The following MARK2 variants were observed in gnomAD, a reference collection of about 807,000 sequenced individuals.
The protein encoded by MARK2 is serine/threonine-protein kinase MARK2.
MARK2 carries 16 observed loss-of-function variants against 89.8 expected under a neutral mutation model. The observed-to-expected ratio is 0.18, with a 90% CI of 0.12 to 0.27. MARK2 has a LOEUF of 0.27. MARK2 is among the 10% of genes least tolerant of loss of function. MARK2 has a pLI of 1.00. For synonymous variants in MARK2, 382 were observed against 399.5 expected, an observed-to-expected ratio of 0.96 and a Z score of 0.52; for missense variants, 621 against 1,049.9, an observed-to-expected ratio of 0.59 and a Z score of 5.65.
intron 1 of MARK2, among the ~76,000 whole-genome samples, chr11:63,848,682 C>G (rs1369076463): frequency 6.6e-6 from 1 of 151,724 alleles, no homozygotes; most frequent in African/African-American, 2.4e-5. Context: ...TCCCGAGTAG[C>G]TGGGACTTCA....
intron 1 of MARK2, among the ~76,000 whole-genome samples, chr11:63,861,390 G>C (rs1038070137): frequency 3.9e-5 from 6 of 151,976 alleles, no homozygotes; most frequent in Non-Finnish European, 5.9e-5. Flanking sequence ...AGCTGAGATC[G>C]CACCACTGCA....
In MARK2 at chr11:63,900,386, A is replaced by T. The variant is rs1183643471; in HGVS notation, c.769-173A>T. 1.3e-5 allele frequency among the ~76,000 whole-genome samples: 2 copies of T among 152,180 alleles called. No homozygotes were observed. The highest frequency in any genetic ancestry group is 2.9e-5 in the Non-Finnish European group (2 of 68,042). On this transcript the variant is annotated intron_variant, in intron 8 of 18. Coordinates refer to ENST00000402010, the MANE Select transcript of MARK2 (RefSeq NM_001039469.3). This position sits in a 1 kb window ranked among gnomAD's most constrained non-coding sequence, Gnocchi z 4.7. ...TGGTCAAGTTAGAGGGTACGAGGGT[A>T]TTTGACTTCACTTGCCTCTCTGGTG...
intron 1 of MARK2, among the ~76,000 whole-genome samples, chr11:63,878,722 G>A (rs1239615053): frequency 2.0e-5 from 3 of 152,024 alleles, no homozygotes; most frequent in Non-Finnish European, 4.4e-5. Flanking sequence ...GGGAGCCCCC[G>A]TGTCTGCTGC....
chr11:63,850,964 A>G (rs1435952477), intron 1 of MARK2, among the ~76,000 whole-genome samples: 1 of 151,992 alleles, frequency 6.6e-6, no homozygotes, highest in African/African-American at 2.4e-5. Flanking sequence ...TCCTTTCTTC[A>G]AGTACGGTAT....
chr11:63,884,901 G>A (rs982820891), intron 1 of MARK2, among the ~76,000 whole-genome samples: 1 of 152,200 alleles, frequency 6.6e-6, no homozygotes, highest in Non-Finnish European at 1.5e-5. Flanking sequence ...CCAACTCCCA[G>A]TTACAAGATG....
At position 63,900,645 on chromosome 11, in the gene MARK2, CATTCTT is replaced by C; in HGVS notation, c.857_862del (p.Ile286_Leu287del). 6.2e-7 allele frequency: 1 copy of C among 1,614,130 alleles called. No individual in the cohort carries two copies. The highest frequency in any genetic ancestry group is 8.5e-7 in the Non-Finnish European group (1 of 1,179,986). ...GTGAAAACCTGCTTAAGAAATTTCTCATTCTTAATCCCAGCAAGAGAGGCACTTTAG... is the reference window on the plus strand; with the variant it reads ...GTGAAAACCTGCTTAAGAAATTTCTCAATCCCAGCAAGAGAGGCACTTTAG... On this transcript the variant is annotated inframe_deletion, in exon 9 of 19. Coordinates refer to ENST00000402010, the MANE Select transcript of MARK2 (RefSeq NM_001039469.3). The surrounding 1 kb of genome is among the most constrained non-coding windows in gnomAD (Gnocchi z 4.7).
At position 63,908,949 on chromosome 11, in the gene MARK2, C is replaced by G; in HGVS notation, c.2079C>G (p.Leu693=). ...EEFREAKPRS[L]RFTWSMKTTS... The stretch of plus-strand genomic sequence containing the variant: ...TTCGGGAGGCCAAGCCCCGCTCCCT[C>G]CGCTTCACGTGGAGTATGAAGACCA... The change falls in exon 19 of 19, where the codon CTC becomes CTG. Residue 693 remains leucine, a synonymous_variant. Transcript: ENST00000402010. 3 of 1,534,318 alleles carry G rather than the reference C, an allele frequency of 2.0e-6. No homozygotes were observed. Among genetic ancestry groups the G allele is most frequent in the Non-Finnish European group, 2.6e-6 (3 of 1,133,404 alleles).
At position 63,902,996 on chromosome 11, in the gene MARK2, G is replaced by T; in HGVS notation, c.1417-65G>T. On this transcript the variant is annotated intron_variant, in intron 13 of 18. Transcript: ENST00000402010. This position sits in a 1 kb window ranked among gnomAD's most constrained non-coding sequence, Gnocchi z 4.2. ...CAGGAAGCCTGTTCCATGAACCTGG[G>T]GGGAGAACCTGGCTGTAGACCACTT... is the stretch of plus-strand genomic sequence containing the variant. 7.2e-7 allele frequency: 1 copy of T among 1,395,540 alleles called. No homozygotes were observed. The highest frequency in any genetic ancestry group is 1.0e-6 in the Non-Finnish European group (1 of 983,196). 86.4% of individuals were successfully genotyped at this position (1,395,540 alleles called of 1,614,324 possible). A position where few individuals can be genotyped will look rare whatever the true frequency, so the allele number is the denominator to read the frequency against.
intron 1 of MARK2, chr11:63,888,972 GT>G: frequency 7.4e-7 from 1 of 1,351,160 alleles, no homozygotes; most frequent in Non-Finnish European, 9.8e-7. Flanking sequence ...CGGGTATGTT[GT>G]CCCCCTTTTT....
rs186803603 is a variant in MARK2, at chr11:63,846,482, A to G, written c.54+6922A>G. On this transcript the variant is annotated intron_variant, in intron 1 of 18. Transcript: ENST00000402010. The stretch of plus-strand genomic sequence containing the variant: ...GTGATTCTCCTGTCTCAGCCTCTTG[A>G]ATAGCTGAGATTACAGGTGTACGCC... 6.2e-3 allele frequency among the ~76,000 whole-genome samples: 943 copies of G among 150,892 alleles called. 14 individuals are homozygous for G. The highest frequency in any genetic ancestry group is 0.022 in the African/African-American group (903 of 40,964).
rs1938566574 is a variant in MARK2, at chr11:63,873,383, AGTG to A, written c.55-21774_55-21772del. Among the ~76,000 whole-genome samples, 3 of 152,300 alleles carry A rather than the reference AGTG, an allele frequency of 2.0e-5. No homozygotes were observed. In the South Asian group the frequency reaches 6.2e-4, roughly 32 times the overall value. On this transcript the variant is annotated intron_variant, in intron 1 of 18. Coordinates refer to ENST00000402010, the MANE Select transcript of MARK2 (RefSeq NM_001039469.3). ...GCATCTTCCCTGGCCTCAACAAGAC[AGTG>A]GCTGAAAGGTCAAGAGAGTGGTAGC...
In MARK2 at chr11:63,906,360, C is replaced by A. The variant is rs568398507; in HGVS notation, c.1961+246C>A. Among the ~76,000 whole-genome samples the A allele has an allele frequency of 1.1e-4, 17 of 152,352 alleles. No individual in the cohort carries two copies. The South Asian group carries it at 3.3e-3, about 30-fold the overall frequency. On this transcript the variant is annotated intron_variant, in intron 17 of 18. Transcript: ENST00000402010. ...GGCTAAGAGGCCACATTGGCCCACT[C>A]AGGGCAAATGGCTTTAAAAATGAGG...
At position 63,902,931 on chromosome 11, in the gene MARK2, C is replaced by G; in HGVS notation, c.1417-130C>G. 1 of 1,056,964 alleles carries G rather than the reference C, an allele frequency of 9.5e-7. No homozygotes were observed. Among genetic ancestry groups the G allele is most frequent in the South Asian group, 1.4e-5 (1 of 74,060 alleles). The allele number at this position is 1,056,964 out of a possible 1,614,324, so 65.5% of individuals were successfully genotyped here. The stretch of plus-strand genomic sequence containing the variant: ...CGCTCCCAGCAGTAAATGCAGAATC[C>G]TTTCCTTAACCTACCACTGTCTGCT... On this transcript the variant is annotated intron_variant, in intron 13 of 18. Coordinates refer to ENST00000402010, the MANE Select transcript of MARK2 (RefSeq NM_001039469.3). This position sits in a 1 kb window ranked among gnomAD's most constrained non-coding sequence, Gnocchi z 4.2.
chr11:63,840,699 T>C (rs183372651), intron 1 of MARK2, among the ~76,000 whole-genome samples: 4 of 152,304 alleles, frequency 2.6e-5, no homozygotes, highest in African/African-American at 7.2e-5. Flanking sequence ...TCCGCATTAG[T>C]CTCCTGCCTT....
intron 1 of MARK2, among the ~76,000 whole-genome samples, chr11:63,863,701 T>C (rs1394319184): frequency 6.6e-6 from 1 of 151,804 alleles, no homozygotes; most frequent in African/African-American, 2.4e-5. Flanking sequence ...TGACCTCAAG[T>C]GATCTGCCTG....
intron 18 of MARK2, among the ~76,000 whole-genome samples, chr11:63,908,630 A>C (rs757210151): frequency 2.6e-5 from 4 of 152,074 alleles, no homozygotes; most frequent in Non-Finnish European, 5.9e-5. Flanking sequence ...CGTGCTGTTG[A>C]GGGCACTGGT....
At chr11:63,851,312 C>T (rs2016561594) in intron 1 of MARK2, among the ~76,000 whole-genome samples, 1 of 152,064 alleles carries the variant, frequency 6.6e-6, no homozygotes, top group African/African-American at 2.4e-5. Flanking sequence ...AGTGTCCCCT[C>T]AGAACTCATG....
intron 1 of MARK2, among the ~76,000 whole-genome samples, chr11:63,861,494 C>T (rs918277742): frequency 1.3e-5 from 2 of 152,060 alleles, no homozygotes; most frequent in African/African-American, 4.8e-5. Flanking sequence ...GTTAAGGCAA[C>T]GGCTTAGTAA....
chr11:63,851,904 A>G (rs892022172), intron 1 of MARK2, among the ~76,000 whole-genome samples: 2 of 152,204 alleles, frequency 1.3e-5, no homozygotes, highest in African/African-American at 2.4e-5. Flanking sequence ...CCCATCAGGA[A>G]TGCCATAAGT....
Sources: gnomAD v4.1 joint callset for allele counts (sites outside exome capture counted in the v4.1 genomes callset) on GRCh38, gnomAD v4.1.1 for gene constraint, Gnocchi (gnomAD v3.1) non-coding constraint, MANE v1.5 for transcripts, NCBI Gene and HGNC (gene_info 2026-07-23, HGNC 2026-07-21) for gene names.